Variants in CREB3L2 observed in about 807,000 individuals in gnomAD.
CREB3L2 encodes the protein cyclic AMP-responsive element-binding protein 3-like protein 2.
Under a neutral mutation model 57.2 loss-of-function variants are expected in CREB3L2, and 23 were observed. That is an observed-to-expected ratio of 0.40 (90% confidence interval 0.29 to 0.57). The LOEUF (loss-of-function observed/expected upper bound fraction) is 0.57, where lower values mean the gene tolerates loss of function less well. Ranked by LOEUF, CREB3L2 falls within the 20% of genes least tolerant of loss-of-function variation. The pLI is 0.42. For synonymous variants in CREB3L2, 268 were observed against 265.1 expected (o/e 1.01, Z -0.11); for missense variants, 628 against 634.7 (o/e 0.99, Z 0.11).
intron 1 of CREB3L2, among the ~76,000 whole-genome samples, chr7:137,983,615 A>G (rs1479435687): frequency 6.6e-6 from 1 of 152,200 alleles, no homozygotes; most frequent in African/African-American, 2.4e-5. Flanking sequence ...TGAGCCGCCA[A>G]ATAACAGACC....
At chr7:137,998,901 C>T (rs937650718) in intron 1 of CREB3L2, among the ~76,000 whole-genome samples, 4 of 152,160 alleles carry the variant, frequency 2.6e-5, no homozygotes, top group African/African-American at 7.2e-5. Context: ...CCCTGCCTTT[C>T]GGATGATAAA....
rs77560422 is a variant in CREB3L2 at position 137,958,617 on chromosome 7, C to A, written c.103-30251G>T. Among the ~76,000 whole-genome samples, 901 of 152,366 alleles carry A rather than the reference C, an allele frequency of 5.9e-3. 1 individual carries two copies. The highest frequency in any genetic ancestry group is 9.7e-3 in the Non-Finnish European group (658 of 68,042). ...TAAAAAGCTGTATTTGAGGAACTCA[C>A]TTATCTGCTTGGCATTTGGTACAAT... is the stretch of plus-strand genomic sequence containing the variant. On this transcript the variant is annotated intron_variant, in intron 1 of 11. Transcript: ENST00000330387.
At chr7:137,962,528 A>T (rs1162990432) in intron 1 of CREB3L2, among the ~76,000 whole-genome samples, 1 of 151,730 alleles carries the variant, frequency 6.6e-6, no homozygotes, top group Non-Finnish European at 1.5e-5. Context: ...CACCCTGGGG[A>T]ACCACTTTTG....
chr7:137,990,608 G>A (rs1191972478), intron 1 of CREB3L2, among the ~76,000 whole-genome samples: 2 of 152,170 alleles, frequency 1.3e-5, no homozygotes, highest in East Asian at 3.9e-4. Context: ...AAACAGACAG[G>A]ATGCGAGGGG....
chr7:137,876,255 G>A lies in CREB3L2; in HGVS notation c.*4221C>T, dbSNP rs1799148008. The A allele has an allele frequency of 4.4e-6, 1 of 225,618 alleles. No individual in the cohort carries two copies. Among genetic ancestry groups the A allele is most frequent in the African/African-American group, 2.5e-5 (1 of 39,546 alleles). The allele number at this position is 225,618 out of a possible 1,614,324, so 14.0% of individuals were successfully genotyped here. ...ATATACAAAATCTCCCAGTGACGAGGGATTCCTCAGTCATCCTGGATTTAC... is the reference window on the plus strand; with the variant it reads ...ATATACAAAATCTCCCAGTGACGAGAGATTCCTCAGTCATCCTGGATTTAC... On this transcript the variant is annotated 3_prime_UTR_variant, in exon 12 of 12. Transcript: ENST00000330387.
chr7:137,976,851 G>A (rs577968605), intron 1 of CREB3L2, among the ~76,000 whole-genome samples: 2 of 152,356 alleles, frequency 1.3e-5, no homozygotes, highest in East Asian at 3.9e-4. Context: ...CCCGCCCAGA[G>A]ACAGTGGGAG....
intron 4 of CREB3L2, among the ~76,000 whole-genome samples, chr7:137,908,891 G>A (rs531988258): frequency 1.3e-5 from 2 of 152,186 alleles, no homozygotes; most frequent in Admixed American, 6.5e-5. Flanking sequence ...CAGGAGAATC[G>A]CTTGAACCCA....
At chr7:137,976,185 T>C (rs1226999194) in intron 1 of CREB3L2, among the ~76,000 whole-genome samples, 1 of 152,230 alleles carries the variant, frequency 6.6e-6, no homozygotes, top group Admixed American at 6.5e-5. Context: ...CTTACCTACT[T>C]TCTCAGTTGG....
At chr7:137,920,473 G>A (rs1272153526) in intron 2 of CREB3L2, among the ~76,000 whole-genome samples, 1 of 152,200 alleles carries the variant, frequency 6.6e-6, no homozygotes, top group Non-Finnish European at 1.5e-5. Flanking sequence ...GAACCACTCT[G>A]CTGACCCCCA....
At chr7:137,917,599 A>T (rs2065667698) in intron 2 of CREB3L2, among the ~76,000 whole-genome samples, 1 of 152,210 alleles carries the variant, frequency 6.6e-6, no homozygotes, top group Non-Finnish European at 1.5e-5. Context: ...ATGAAAAGGT[A>T]CAATCATTTA....
At chr7:137,997,999 C>T (rs1007545284) in intron 1 of CREB3L2, among the ~76,000 whole-genome samples, 33 of 152,150 alleles carry the variant, frequency 2.2e-4, no homozygotes, top group African/African-American at 7.5e-4. Context: ...AATCAGTACT[C>T]ACTGAATTAA....
At chr7:137,913,506 CAAA>C (rs33940093) in intron 3 of CREB3L2, among the ~76,000 whole-genome samples, 17 of 108,708 alleles carry the variant, frequency 1.6e-4, no homozygotes, top group Admixed American at 2.8e-4. Flanking sequence ...GACCCTATCT[CAAA>C]AAAAAAAAAA....
chr7:137,902,837 G>C (rs1799792888), intron 7 of CREB3L2, among the ~76,000 whole-genome samples: 1 of 151,342 alleles, frequency 6.6e-6, no homozygotes, highest in East Asian at 2.0e-4. Flanking sequence ...GGTTTTTTGA[G>C]ACAGAGTCTC....
At chr7:137,941,894 T>G (rs7812168) in intron 1 of CREB3L2, among the ~76,000 whole-genome samples, 13,834 of 152,320 alleles carry the variant, frequency 0.091, 922 homozygotes, top group Admixed American at 0.22. Context: ...CTTATCAGTC[T>G]CTTAATACCA....
At chr7:137,904,472 C>T (rs186870274) in intron 6 of CREB3L2, among the ~76,000 whole-genome samples, 32 of 152,224 alleles carry the variant, frequency 2.1e-4, no homozygotes, top group South Asian at 8.3e-4. Context: ...TCAAGACCAG[C>T]CTGGGCAACA....
intron 1 of CREB3L2, among the ~76,000 whole-genome samples, chr7:137,978,978 A>T (rs1479113181): frequency 6.6e-6 from 1 of 152,220 alleles, no homozygotes; most frequent in Non-Finnish European, 1.5e-5. Flanking sequence ...GTGATCTGAG[A>T]ACTTGGAAGC....
chr7:137,912,923 A>G (rs1346037079), intron 4 of CREB3L2, 68 bp downstream of exon 4: 1 of 1,598,350 alleles, frequency 6.3e-7, no homozygotes, highest in East Asian at 2.2e-5. Context: ...CTCTCTCGCC[A>G]TATTCCCTCT....
intron 1 of CREB3L2, chr7:137,957,651 C>T: frequency 3.3e-6 from 2 of 608,496 alleles, no homozygotes; most frequent in Admixed American, 3.4e-5. Flanking sequence ...ATTTTTTCTT[C>T]ATTTTTAGAA....
At chr7:137,888,518 T>G (rs1799472743) in intron 8 of CREB3L2, among the ~76,000 whole-genome samples, 1 of 152,050 alleles carries the variant, frequency 6.6e-6, no homozygotes, top group Non-Finnish European at 1.5e-5. Flanking sequence ...ACAGCGAGAT[T>G]TCACTGGCCG....
Sources: allele counts gnomAD v4.1 joint callset (sites outside exome capture counted in the v4.1 genomes callset), GRCh38; gene constraint gnomAD v4.1.1; transcripts MANE v1.5; gene names NCBI Gene and HGNC (gene_info 2026-07-23, HGNC 2026-07-21).